Variants in SLC24A2 observed in about 807,000 individuals in gnomAD.
SLC24A2 encodes sodium/potassium/calcium exchanger 2.
In SLC24A2, 36 loss-of-function variants were observed where a neutral mutation model predicts 62.0. That is an observed-to-expected ratio of 0.58 (90% CI 0.44 to 0.77). SLC24A2 has a LOEUF of 0.77. SLC24A2 is among the 30% of genes least tolerant of loss of function. The probability of loss-of-function intolerance (pLI) is 0.00; values close to 1 mark genes in which losing one functional copy is unlikely to be tolerated. For missense variants in SLC24A2, 846 were observed against 817.9 expected (o/e 1.03, Z -0.42); for synonymous variants, 358 against 294.0 (o/e 1.22, Z -2.23).
At chr9:19,583,226 A>T (rs999889204) in intron 5 of SLC24A2, among the ~76,000 whole-genome samples, 1 of 152,172 alleles carries the variant, frequency 6.6e-6, no homozygotes, top group Non-Finnish European at 1.5e-5. Context: ...AACGCTGTGC[A>T]CAATCTCACC....
the SLC24A2 span, among the ~76,000 whole-genome samples, chr9:20,013,054 T>C: frequency 6.6e-6 from 1 of 152,098 alleles, no homozygotes; most frequent in Admixed American, 6.5e-5. Flanking sequence ...GAAAAAACAA[T>C]TCTAAATCCA....
At chr9:19,890,333 G>C in the SLC24A2 span, among the ~76,000 whole-genome samples, 4 of 152,240 alleles carry the variant, frequency 2.6e-5, no homozygotes, top group Middle Eastern at 6.8e-3. Context: ...TTGCACAAGG[G>C]CATGAATACT....
At chr9:19,738,171 G>A (rs933084480) in intron 2 of SLC24A2, among the ~76,000 whole-genome samples, 8 of 152,164 alleles carry the variant, frequency 5.3e-5, no homozygotes, top group African/African-American at 1.4e-4. Flanking sequence ...AATTTGTCAA[G>A]TTAATTTGTC....
intron 7 of SLC24A2, among the ~76,000 whole-genome samples, chr9:19,565,405 C>G (rs957760844): frequency 1.3e-5 from 2 of 150,642 alleles, no homozygotes; most frequent in South Asian, 2.1e-4. Context: ...ATCCAACTTA[C>G]AAGGGATGTG....
intron 2 of SLC24A2, among the ~76,000 whole-genome samples, chr9:19,706,127 T>G (rs1255042312): frequency 2.0e-5 from 3 of 152,092 alleles, no homozygotes; most frequent in East Asian, 1.9e-4. Flanking sequence ...CTGTATTGGG[T>G]GCATATATAT....
At chr9:19,529,467 A>T (rs1833595200) in intron 8 of SLC24A2, among the ~76,000 whole-genome samples, 1 of 152,084 alleles carries the variant, frequency 6.6e-6, no homozygotes, top group Admixed American at 6.6e-5. Flanking sequence ...GTTCTGTTAA[A>T]TTTTACCCCA....
the SLC24A2 span, among the ~76,000 whole-genome samples, chr9:20,131,599 C>T: frequency 1.3e-5 from 2 of 152,114 alleles, no homozygotes; most frequent in South Asian, 2.1e-4. Flanking sequence ...TGAGGGAAAG[C>T]TGTGAGCCAT....
At chr9:19,620,395 C>T (rs759700059) in intron 3 of SLC24A2, among the ~76,000 whole-genome samples, 3 of 152,180 alleles carry the variant, frequency 2.0e-5, no homozygotes, top group African/African-American at 4.8e-5. Flanking sequence ...ATCCAGAAAG[C>T]AGCATAGCTT....
chr9:19,890,098 C>T, the SLC24A2 span, among the ~76,000 whole-genome samples: 4 of 152,156 alleles, frequency 2.6e-5, no homozygotes, highest in Non-Finnish European at 5.9e-5. Context: ...AGTTGCACAC[C>T]CGTCTCTTTC....
At chr9:20,169,493 T>C in the SLC24A2 span, among the ~76,000 whole-genome samples, 1 of 151,956 alleles carries the variant, frequency 6.6e-6, no homozygotes, top group Non-Finnish European at 1.5e-5. Context: ...CTGCAGACAG[T>C]TCACATCACA....
At chr9:19,885,994 A>G in the SLC24A2 span, among the ~76,000 whole-genome samples, 54 of 152,278 alleles carry the variant, frequency 3.5e-4, no homozygotes, top group African/African-American at 1.1e-3. Context: ...CAGCCAGTCT[A>G]CCATTGATGG....
chr9:19,815,214 A>G, the SLC24A2 span, among the ~76,000 whole-genome samples: 4 of 152,262 alleles, frequency 2.6e-5, no homozygotes, highest in South Asian at 8.3e-4. Flanking sequence ...GAATAATCAG[A>G]TGATTAAGAG....
Position 19,619,541 on chromosome 9 carries a change from T to C in SLC24A2, c.1078+43A>G, listed in dbSNP as rs200536964. On this transcript the variant is annotated intron_variant, in intron 4 of 10. Transcript: ENST00000341998. ...TATGCAGAGAAGCCTTTTGGCATCCTTTTCCCCCCAAACAAGTTCCCAAAC... is the reference window on the plus strand; with the variant it reads ...TATGCAGAGAAGCCTTTTGGCATCCCTTTCCCCCCAAACAAGTTCCCAAAC... 3.0e-4 allele frequency: 428 copies of C among 1,445,666 alleles called. 3 individuals are homozygous for C. The African/African-American group carries it at 5.3e-3, about 18-fold the overall frequency. 89.6% of individuals were successfully genotyped at this position (1,445,666 alleles called of 1,614,324 possible).
the SLC24A2 span, among the ~76,000 whole-genome samples, chr9:20,062,137 G>A: frequency 6.6e-6 from 1 of 152,160 alleles, no homozygotes; most frequent in Non-Finnish European, 1.5e-5. Context: ...GCTGAAGTGG[G>A]AGGATCACTT....
intron 2 of SLC24A2, 60 bp downstream of exon 2, chr9:19,785,877 A>G: frequency 6.2e-7 from 1 of 1,610,992 alleles, no homozygotes; most frequent in Non-Finnish European, 8.5e-7. Flanking sequence ...GATCTCAAAA[A>G]CATAATAATT....
At chr9:20,064,620 G>A in the SLC24A2 span, among the ~76,000 whole-genome samples, 3 of 152,100 alleles carry the variant, frequency 2.0e-5, no homozygotes, top group Admixed American at 2.0e-4. Flanking sequence ...TTATTTCTCT[G>A]ACTTTCCCAT....
At chr9:19,934,538 C>T in the SLC24A2 span, among the ~76,000 whole-genome samples, 4 of 152,214 alleles carry the variant, frequency 2.6e-5, no homozygotes, top group South Asian at 2.1e-4. The surrounding 1 kb of genome is among the most constrained non-coding windows in gnomAD (Gnocchi z 4.1). Flanking sequence ...GCACCGTGCG[C>T]GCCCATGGCG....
At chr9:19,841,646 C>T in the SLC24A2 span, among the ~76,000 whole-genome samples, 1 of 152,176 alleles carries the variant, frequency 6.6e-6, no homozygotes, top group African/African-American at 2.4e-5. Context: ...CCAGGTCACA[C>T]TGAAGCTTTG....
At chr9:19,733,373 A>G (rs1821396740) in intron 2 of SLC24A2, among the ~76,000 whole-genome samples, 1 of 152,140 alleles carries the variant, frequency 6.6e-6, no homozygotes, top group Non-Finnish European at 1.5e-5. Flanking sequence ...CAGCAAGATG[A>G]TCTTCTTTCC....
Sources: allele counts gnomAD v4.1 joint callset (sites outside exome capture counted in the v4.1 genomes callset), GRCh38; gene constraint gnomAD v4.1.1; non-coding constraint Gnocchi (gnomAD v3.1); transcripts MANE v1.5; gene names NCBI Gene and HGNC (gene_info 2026-07-23, HGNC 2026-07-21).